The following MAP2K6 variants were observed in gnomAD, a reference collection of about 807,000 sequenced individuals.
MAP2K6 encodes mitogen-activated protein kinase kinase 6.
A neutral mutation model predicts 53.7 loss-of-function variants in MAP2K6; 16 were observed. The ratio of observed to expected loss-of-function variants is 0.30; its 90% confidence interval spans 0.20 to 0.45. The LOEUF is 0.45. Among genes scored for constraint, MAP2K6 ranks in the 20% least tolerant of loss-of-function variants. The pLI is 1.00. For missense variants in MAP2K6, 204 were observed against 411.9 expected (o/e 0.50, Z 4.37); for synonymous variants, 132 against 143.1 (o/e 0.92, Z 0.55).
chr17:69,453,446 T>C (rs1177235566), intron 1 of MAP2K6, among the ~76,000 whole-genome samples: 1 of 152,198 alleles, frequency 6.6e-6, no homozygotes, highest in Non-Finnish European at 1.5e-5. Context: ...AAAATGATTT[T>C]GCTGCACTTA....
At chr17:69,490,523 A>G (rs1908699872) in intron 1 of MAP2K6, among the ~76,000 whole-genome samples, 1 of 152,154 alleles carries the variant, frequency 6.6e-6, no homozygotes, top group African/African-American at 2.4e-5. Flanking sequence ...TGGGAAAAGC[A>G]AGAAATACAT....
rs1910178533 is a variant in MAP2K6, at chr17:69,516,872, A to C, written c.101A>C (p.Asp34Ala). ...TTTCTTAGACCACCTCGAGATTTAG[A>C]CTCCAAGGCTTGCATTTCTATTGGA... ...QTSSTPPRDL[D>A]SKACISIGNQ... The change falls in exon 3 of 12, where the codon GAC becomes GCC. Residue 34 changes from aspartate to alanine, a missense_variant. Physicochemically the swap from Asp to Ala is moderately radical, Grantham distance 126. Transcript: ENST00000590474. The C allele has an allele frequency of 6.3e-7, 1 of 1,597,082 alleles. No individual in the cohort carries two copies. Among genetic ancestry groups the C allele is most frequent in the Non-Finnish European group, 8.6e-7 (1 of 1,165,666 alleles).
At chr17:69,455,133 C>T (rs1159948292) in intron 1 of MAP2K6, among the ~76,000 whole-genome samples, 3 of 151,908 alleles carry the variant, frequency 2.0e-5, no homozygotes, top group African/African-American at 7.3e-5. Flanking sequence ...TGCAACTTCC[C>T]AAGCTCCATT....
intron 1 of MAP2K6, among the ~76,000 whole-genome samples, chr17:69,490,920 G>A (rs1002950941): frequency 6.6e-6 from 1 of 151,648 alleles, no homozygotes; most frequent in Non-Finnish European, 1.5e-5. Flanking sequence ...TCATGTGTCC[G>A]TGTGTTCTCA....
chr17:69,502,487 A>G (rs2145216592), intron 1 of MAP2K6: 1 of 984,288 alleles, frequency 1.0e-6, no homozygotes, highest in Non-Finnish European at 1.2e-6. Flanking sequence ...ACGTGAAGGC[A>G]GAGTATTTTC....
rs1176497057 is a variant in MAP2K6, at chr17:69,517,576, T to G, written c.209T>G (p.Met70Arg). ...GRGAYGVVEKMRHVPSGQIMA... is the reference protein window; with the variant it reads ...GRGAYGVVEKRRHVPSGQIMA... The stretch of plus-strand genomic sequence containing the variant: ...GGTGCGTACGGGGTGGTGGAGAAGA[T>G]GCGGCACGTGCCCAGCGGGCAGATC... The change falls in exon 4 of 12, where the codon ATG (methionine) becomes AGG (arginine). Residue 70 changes from methionine to arginine, a missense_variant. Around this residue, in one of 3 missense-constraint regions of MAP2K6, gnomAD observed 129 missense variants for 247.1 expected, o/e 0.52. Coordinates refer to ENST00000590474, the MANE Select transcript of MAP2K6 (RefSeq NM_002758.4). 1 of 1,608,926 alleles carries G rather than the reference T, an allele frequency of 6.2e-7. No homozygotes were observed. The highest frequency in any genetic ancestry group is 8.5e-7 in the Non-Finnish European group (1 of 1,176,924).
At chr17:69,429,177 C>T (rs930507648) in intron 1 of MAP2K6, among the ~76,000 whole-genome samples, 1 of 151,754 alleles carries the variant, frequency 6.6e-6, no homozygotes, top group Non-Finnish European at 1.5e-5. Flanking sequence ...TGGCTCATGC[C>T]TGTAAACCCC....
chr17:69,449,535 T>TTCTTTCTTTGTCTG (rs1167248594), intron 1 of MAP2K6, among the ~76,000 whole-genome samples: 5 of 76,750 alleles, frequency 6.5e-5, no homozygotes, highest in South Asian at 4.4e-4. Context: ...TTCTTTGTCT[T>TTCTTTCTTTGTCTG]TCTTTCTTTC....
intron 2 of MAP2K6, among the ~76,000 whole-genome samples, chr17:69,512,081 CAATT>C (rs1484163700): frequency 6.6e-6 from 1 of 151,714 alleles, no homozygotes; most frequent in Non-Finnish European, 1.5e-5. Flanking sequence ...TGGTGCATTG[CAATT>C]GCTCAATGAA....
In MAP2K6 at chr17:69,543,390, AAGG is replaced by A. The variant is rs1473319310; in HGVS notation, c.*1643_*1645del. ...GCATTTTTTCCTCCTTGTTCTTGAC[AAGG>A]AGGAGTTGCTCCTGCCCAGAATGAG... On this transcript the variant is annotated 3_prime_UTR_variant, in exon 12 of 12. Coordinates refer to ENST00000590474, the MANE Select transcript of MAP2K6 (RefSeq NM_002758.4). The A allele has an allele frequency of 1.3e-5, 2 of 152,196 alleles. No individual in the cohort carries two copies. Among genetic ancestry groups the A allele is most frequent in the East Asian group, 3.9e-4 (2 of 5,164 alleles). The allele number at this position is 152,196 out of a possible 1,614,324, so 9.4% of individuals were successfully genotyped here. A position where few individuals can be genotyped will look rare whatever the true frequency, so the allele number is the denominator to read the frequency against.
At chr17:69,476,693 AT>A (rs1392944364) in intron 1 of MAP2K6, among the ~76,000 whole-genome samples, 9 of 152,156 alleles carry the variant, frequency 5.9e-5, no homozygotes, top group African/African-American at 2.2e-4. Context: ...GTAAGCATGA[AT>A]TTCTATCTCC....
chr17:69,437,484 G>GA (rs907257275), intron 1 of MAP2K6, among the ~76,000 whole-genome samples: 1 of 151,786 alleles, frequency 6.6e-6, no homozygotes, highest in Non-Finnish European at 1.5e-5. Context: ...AACTTTTATT[G>GA]AAAAAAAATC....
At chr17:69,530,546 A>T (rs1453755085) in intron 10 of MAP2K6, among the ~76,000 whole-genome samples, 2 of 152,170 alleles carry the variant, frequency 1.3e-5, no homozygotes, top group Non-Finnish European at 2.9e-5. Flanking sequence ...GGAATCGTTA[A>T]TTCTGAATTT....
At chr17:69,455,636 T>C (rs2145163941) in intron 1 of MAP2K6, among the ~76,000 whole-genome samples, 1 of 152,180 alleles carries the variant, frequency 6.6e-6, no homozygotes. Flanking sequence ...ATTAGCAAAC[T>C]TTTTCTACAA....
At chr17:69,504,282 C>CTT (rs771857889) in intron 1 of MAP2K6, among the ~76,000 whole-genome samples, 1 of 144,748 alleles carries the variant, frequency 6.9e-6, no homozygotes. Context: ...CTTTTTTTTT[C>CTT]TTTTTTTTTT....
intron 1 of MAP2K6, among the ~76,000 whole-genome samples, chr17:69,432,810 T>TAAAAAAAA: frequency 7.2e-6 from 1 of 139,806 alleles, no homozygotes; most frequent in Non-Finnish European, 1.6e-5. Flanking sequence ...AACCTAAAAT[T>TAAAAAAAA]AAAAAAAAAA....
Position 69,551,217 on chromosome 17 carries a change from A to G in MAP2K6, c.*9464A>G, listed in dbSNP as rs1290113636. 1 of 152,208 alleles carries G rather than the reference A, an allele frequency of 6.6e-6. No individual in the cohort carries two copies. The highest frequency in any genetic ancestry group is 1.9e-4 in the East Asian group (1 of 5,200). The allele number at this position is 152,208 out of a possible 1,614,324, so 9.4% of individuals were successfully genotyped here. A position where few individuals can be genotyped will look rare whatever the true frequency, so the allele number is the denominator to read the frequency against. The stretch of plus-strand genomic sequence containing the variant: ...TTTTTGTTCATTGACCTATCAGAAA[A>G]AAGCAAATCCTTTGGACAATGTTGA... On this transcript the variant is annotated 3_prime_UTR_variant, in exon 12 of 12. Transcript: ENST00000590474.
chr17:69,465,495 G>A (rs571854347), intron 1 of MAP2K6, among the ~76,000 whole-genome samples: 62 of 152,122 alleles, frequency 4.1e-4, no homozygotes, highest in Non-Finnish European at 8.5e-4. Flanking sequence ...TGTACACTTG[G>A]CAGCAGGCTG....
intron 1 of MAP2K6, among the ~76,000 whole-genome samples, chr17:69,416,006 G>T (rs906849162): frequency 6.6e-6 from 1 of 152,120 alleles, no homozygotes; most frequent in African/African-American, 2.4e-5. Flanking sequence ...GCTGTCAGGT[G>T]CCCCTGGGAC....
Sources: gnomAD v4.1 joint callset for allele counts (sites outside exome capture counted in the v4.1 genomes callset) on GRCh38, gnomAD v4.1.1 for gene constraint, gnomAD v4.1.1 regional missense constraint, MANE v1.5 for transcripts, NCBI Gene and HGNC (gene_info 2026-07-23, HGNC 2026-07-21) for gene names.